Variants in USP40 observed in about 807,000 individuals in gnomAD.
USP40 encodes ubiquitin carboxyl-terminal hydrolase 40.
In USP40, 143 loss-of-function variants were observed where a neutral mutation model predicts 166.2. That is an observed-to-expected ratio of 0.86 (90% CI 0.75 to 0.99). USP40 has a LOEUF of 0.99. Ranked by LOEUF, USP40 falls within the 50% of genes least tolerant of loss-of-function variation. The pLI is 0.00. For missense variants in USP40, 1,444 were observed against 1,479.7 expected, an observed-to-expected ratio of 0.98 and a Z score of 0.40; for synonymous variants, 498 against 524.0, an observed-to-expected ratio of 0.95 and a Z score of 0.68.
intron 9 of USP40, among the ~76,000 whole-genome samples, chr2:233,541,493 T>C (rs1323152478): frequency 6.6e-6 from 1 of 152,200 alleles, no homozygotes; most frequent in African/African-American, 2.4e-5. Flanking sequence ...AAACCAAAAC[T>C]GCCAACACCT....
chr2:233,485,866 CAG>C lies in USP40; in HGVS notation c.3307_3308del (p.Leu1103GlufsTer16). The C allele has an allele frequency of 6.2e-7, 1 of 1,608,552 alleles. No homozygotes were observed. The highest frequency in any genetic ancestry group is 1.3e-5 in the African/African-American group (1 of 74,870). On this transcript the variant is annotated frameshift_variant, in exon 29 of 32. Coordinates refer to ENST00000678225, the MANE Select transcript of USP40 (RefSeq NM_001365479.2). LOFTEE classifies it high-confidence loss of function. ...GATAGAAATCGGCAACTCTCTGCCT[CAG>C]GGAGCCGGCAGTCCCACCCTGGGCC... is the stretch of plus-strand genomic sequence containing the variant. ...NAAQGGTAGS[L>X]RQRVADFYRL... is the part of the protein sequence containing the mutation.
chr2:233,493,401 G>C lies in USP40; in HGVS notation c.2917+24C>G. 1 of 1,613,944 alleles carries C rather than the reference G, an allele frequency of 6.2e-7. No individual in the cohort carries two copies. The highest frequency in any genetic ancestry group is 8.5e-7 in the Non-Finnish European group (1 of 1,179,858). The stretch of plus-strand genomic sequence containing the variant: ...TACTTCTCTTTATGATGCACTGGCT[G>C]CTGAAATCCCATTCTGTTCTCACCT... On this transcript the variant is annotated intron_variant, in intron 25 of 31. Coordinates refer to ENST00000678225, the MANE Select transcript of USP40 (RefSeq NM_001365479.2). The surrounding 1 kb of genome is among the most constrained non-coding windows in gnomAD (Gnocchi z 4.7).
chr2:233,496,036 A>G (rs578180308), intron 24 of USP40, among the ~76,000 whole-genome samples: 1 of 152,226 alleles, frequency 6.6e-6, no homozygotes, highest in Non-Finnish European at 1.5e-5. Context: ...TTTTCTTAGA[A>G]GGATACAGGA....
chr2:233,527,300 C>T, intron 13 of USP40, 107 bp downstream of exon 13: 3 of 1,293,492 alleles, frequency 2.3e-6, no homozygotes, highest in Non-Finnish European at 3.1e-6. Context: ...TCAGATCTTC[C>T]TAAGCAGCTT....
chr2:233,560,946 T>C lies in USP40; in HGVS notation c.268-1022A>G, dbSNP rs896948348. The C allele has an allele frequency of 7.0e-5, 49 of 697,022 alleles. No homozygotes were observed. The Middle Eastern group carries it at 7.9e-4, about 11-fold the overall frequency. 43.2% of individuals were successfully genotyped at this position (697,022 alleles called of 1,614,324 possible). ...CATAGTAAAGAGTGTTACATGTTTA[T>C]AAAGCAGTAGCAGTATTGTACTTGG... On this transcript the variant is annotated intron_variant, in intron 3 of 31. Transcript: ENST00000678225.
At chr2:233,496,089 G>A (rs1439837537) in intron 24 of USP40, among the ~76,000 whole-genome samples, 1 of 152,252 alleles carries the variant, frequency 6.6e-6, no homozygotes, top group East Asian at 1.9e-4. Context: ...GAGAAAAGGT[G>A]TAGGAGTGAT....
intron 3 of USP40, 67 bp from the exon 4 acceptor site, chr2:233,559,991 C>G: frequency 8.9e-7 from 1 of 1,124,934 alleles, no homozygotes; most frequent in Middle Eastern, 2.0e-4. Context: ...TTGAAAACAA[C>G]TGCATACTAG....
rs149233597 is a variant in USP40 at position 233,488,108 on chromosome 2, T to A, written c.3197+131A>T. On this transcript the variant is annotated intron_variant, in intron 28 of 31. Transcript: ENST00000678225. ...ATACAAACATATTTCTAGCACACAC[T>A]CTGTTTCAAGTTGCTAGGCTACTTA... The A allele has an allele frequency of 3.6e-3, 2,814 of 774,866 alleles. 19 individuals are homozygous for A. The highest frequency in any genetic ancestry group is 0.011 in the Middle Eastern group (48 of 4,472). 48.0% of individuals were successfully genotyped at this position (774,866 alleles called of 1,614,324 possible).
rs1231398142 is a variant in USP40 at position 233,489,423 on chromosome 2, A to C, written c.3073T>G (p.Trp1025Gly). The C allele has an allele frequency of 6.2e-7, 1 of 1,607,110 alleles. No individual in the cohort carries two copies. The highest frequency in any genetic ancestry group is 8.5e-7 in the Non-Finnish European group (1 of 1,176,948). The change falls in exon 27 of 32, where the codon TGG becomes GGG. Residue 1025 changes from tryptophan to glycine, a missense_variant. Coordinates refer to ENST00000678225, the MANE Select transcript of USP40 (RefSeq NM_001365479.2). ...GVPSPAHLRA[W>G]TVERKRPGRL... ...CCTGGGCGCTTCCTCTCCACCGTCC[A>C]GGCTCTGAGGTGGGCTGGGGACGGG...
Position 233,477,110 on chromosome 2 carries a change from A to G in USP40, c.*282T>C. ...TTGTGCATTTTCTGGTTAAAAGAAA[A>G]AAAAAGGCAGCTGGGGCCGGGTGCT... On this transcript the variant is annotated 3_prime_UTR_variant, in exon 32 of 32. Coordinates refer to ENST00000678225, the MANE Select transcript of USP40 (RefSeq NM_001365479.2). 1 of 440,992 alleles carries G rather than the reference A, an allele frequency of 2.3e-6. No homozygotes were observed. The highest frequency in any genetic ancestry group is 4.2e-6 in the Non-Finnish European group (1 of 235,974). 27.3% of individuals were successfully genotyped at this position (440,992 alleles called of 1,614,324 possible).
intron 19 of USP40, 152 bp from the exon 20 acceptor site, chr2:233,511,949 G>T: frequency 1.7e-6 from 1 of 582,796 alleles, no homozygotes; most frequent in Non-Finnish European, 2.9e-6. Context: ...CATGCACTAA[G>T]ATTAGGTTTG....
intron 4 of USP40, among the ~76,000 whole-genome samples, chr2:233,558,377 A>C (rs938034942): frequency 1.4e-4 from 21 of 152,182 alleles, no homozygotes; most frequent in Admixed American, 1.3e-3. Flanking sequence ...AGATTAAAAA[A>C]AAAAAACAAA....
intron 13 of USP40, 120 bp from the exon 14 acceptor site, chr2:233,525,682 C>T: frequency 1.5e-6 from 1 of 650,558 alleles, no homozygotes; most frequent in Admixed American, 3.0e-5. Context: ...AATGAATACT[C>T]TCACCCCCAC....
rs1310915062 is a variant in USP40, at chr2:233,566,704, G to A, written c.-40C>T. 1.1e-5 allele frequency: 11 copies of A among 985,924 alleles called. No individual in the cohort carries two copies. The highest frequency in any genetic ancestry group is 1.1e-4 in the East Asian group (1 of 8,826). 61.1% of individuals were successfully genotyped at this position (985,924 alleles called of 1,614,324 possible). ...CTTACTGCCTAAAGCCCAGACCCCC[G>A]CCCTGGCCAAAACGCGAAGCGAACG... On this transcript the variant is annotated 5_prime_UTR_variant, in exon 1 of 32. Coordinates refer to ENST00000678225, the MANE Select transcript of USP40 (RefSeq NM_001365479.2).
At chr2:233,488,809 G>C (rs1224383440) in intron 27 of USP40, among the ~76,000 whole-genome samples, 4 of 152,196 alleles carry the variant, frequency 2.6e-5, no homozygotes, top group Admixed American at 6.5e-5. Context: ...AGGAGGCTGA[G>C]GTGGGAGGAT....
At chr2:233,545,143 T>C (rs2069789952) in intron 8 of USP40, among the ~76,000 whole-genome samples, 1 of 152,146 alleles carries the variant, frequency 6.6e-6, no homozygotes, top group African/African-American at 2.4e-5. Context: ...TCAGAAGATA[T>C]CCAAGTCAGA....
At chr2:233,556,382 T>A (rs1260513204) in intron 5 of USP40, among the ~76,000 whole-genome samples, 2 of 152,110 alleles carry the variant, frequency 1.3e-5, no homozygotes, top group Non-Finnish European at 2.9e-5. Flanking sequence ...TAGCTTTATA[T>A]ATAATATATA....
chr2:233,481,494 G>A, intron 30 of USP40, 197 bp from the exon 31 acceptor site: 1 of 579,166 alleles, frequency 1.7e-6, no homozygotes, highest in Admixed American at 3.1e-5. Context: ...AGCTCCACAA[G>A]GGAAATTAAT....
chr2:233,499,797 TCCTACAAC>T, intron 22 of USP40, 74 bp downstream of exon 22: 2 of 1,272,864 alleles, frequency 1.6e-6, no homozygotes, highest in Admixed American at 2.4e-5. Context: ...AATTTTTTTT[TCCTACAAC>T]CCTGGAGAAA....
Sources: allele counts gnomAD v4.1 joint callset (sites outside exome capture counted in the v4.1 genomes callset), GRCh38; gene constraint gnomAD v4.1.1; non-coding constraint Gnocchi (gnomAD v3.1); transcripts MANE v1.5; gene names NCBI Gene and HGNC (gene_info 2026-07-23, HGNC 2026-07-21).